Variants in CHFR observed in about 807,000 individuals in gnomAD.
The protein encoded by CHFR is E3 ubiquitin-protein ligase CHFR.
CHFR carries 57 observed loss-of-function variants against 87.6 expected under a neutral mutation model. That is an observed-to-expected ratio of 0.65 (90% CI 0.53 to 0.81). CHFR has a LOEUF of 0.81. CHFR is among the 30% of genes least tolerant of loss of function. CHFR has a pLI of 0.00. For missense variants in CHFR, 797 were observed against 865.8 expected (o/e 0.92, Z 1.00); for synonymous variants, 381 against 359.2 (o/e 1.06, Z -0.69).
rs1950696039 is a variant in CHFR at position 132,841,006 on chromosome 12, T to A, written c.*548A>T. 6.5e-6 allele frequency: 1 copy of A among 152,714 alleles called. No homozygotes were observed. Among genetic ancestry groups the A allele is most frequent in the Admixed American group, 6.5e-5 (1 of 15,284 alleles). 9.5% of individuals were successfully genotyped at this position (152,714 alleles called of 1,614,324 possible). A position where few individuals can be genotyped will look rare whatever the true frequency, so the allele number is the denominator to read the frequency against. ...TCAATTTGTAAATTATAAATTATAT[T>A]ATTTGTGCTACAGTTTGTGACATTT... is the stretch of plus-strand genomic sequence containing the variant. On this transcript the variant is annotated 3_prime_UTR_variant, in exon 18 of 18. Coordinates refer to ENST00000450056, the MANE Select transcript of CHFR (RefSeq NM_001161346.2).
chr12:132,844,556 T>C (rs538134942), intron 15 of CHFR, among the ~76,000 whole-genome samples: 10 of 151,292 alleles, frequency 6.6e-5, no homozygotes, highest in South Asian at 6.3e-4. Flanking sequence ...AGTGCTGGGA[T>C]TACAGGCGTG....
intron 10 of CHFR, chr12:132,853,898 C>A: frequency 3.1e-6 from 1 of 325,750 alleles, no homozygotes; most frequent in Non-Finnish European, 5.7e-6. Context: ...CGTGCGCGCA[C>A]GCCCCGTGCT....
At chr12:132,855,271 A>G (rs1179281601) in intron 10 of CHFR, among the ~76,000 whole-genome samples, 1 of 151,876 alleles carries the variant, frequency 6.6e-6, no homozygotes, top group Non-Finnish European at 1.5e-5. Flanking sequence ...AAGAAAAAAA[A>G]ATTAGCCAAG....
chr12:132,857,239 C>T (rs371401118), intron 9 of CHFR, among the ~76,000 whole-genome samples, 166 bp downstream of exon 9: 11 of 145,078 alleles, frequency 7.6e-5, no homozygotes, highest in Non-Finnish European at 1.3e-4. Flanking sequence ...GATGCCCTCA[C>T]GTGCCCGGGT....
intron 6 of CHFR, among the ~76,000 whole-genome samples, chr12:132,862,935 C>T (rs1347200568): frequency 2.7e-5 from 4 of 146,052 alleles, no homozygotes; most frequent in Non-Finnish European, 4.5e-5. Context: ...CTCACTCTGT[C>T]ACCCAGGCTG....
intron 14 of CHFR, 155 bp from the exon 15 acceptor site, chr12:132,847,285 C>T (rs1461813278): frequency 5.1e-6 from 7 of 1,385,570 alleles, no homozygotes; most frequent in South Asian, 1.5e-5. Context: ...TGCACGTTCA[C>T]GGCCTGCAGC....
Position 132,856,525 on chromosome 12 carries a change from CCTT to C in CHFR, c.1169_1171del (p.Glu390del), listed in dbSNP as rs1434190222. 2 of 1,614,120 alleles carry C rather than the reference CCTT, an allele frequency of 1.2e-6. No homozygotes were observed. The highest frequency in any genetic ancestry group is 2.7e-5 in the African/African-American group (2 of 74,946). ...CAGCTCCAGCAGGTCCTCTGAACTC[CCTT>C]CTTCATCAGAAAAAGACCGCCTGAC... On this transcript the variant is annotated inframe_deletion, in exon 10 of 18. Transcript: ENST00000450056.
chr12:132,884,511 A>T (rs1040079580), intron 2 of CHFR, among the ~76,000 whole-genome samples: 1 of 151,970 alleles, frequency 6.6e-6, no homozygotes, highest in African/African-American at 2.4e-5. Flanking sequence ...GAGTGTCTGT[A>T]CCCCCCTAAA....
intron 17 of CHFR, among the ~76,000 whole-genome samples, chr12:132,842,195 C>T (rs1950718112): frequency 6.6e-6 from 1 of 152,134 alleles, no homozygotes. Context: ...TCAGGCATCC[C>T]CGTGGCATCT....
intron 14 of CHFR, chr12:132,847,391 GC>G: frequency 8.2e-7 from 1 of 1,215,722 alleles, no homozygotes; most frequent in Non-Finnish European, 1.0e-6. Context: ...GACCTACACA[GC>G]CCAGGTGTGA....
chr12:132,866,901 G>C (rs1951358020), intron 6 of CHFR: 1 of 152,238 alleles, frequency 6.6e-6, no homozygotes, highest in Non-Finnish European at 1.5e-5. Context: ...CGTGGTGGTG[G>C]TGCGCGCCTG....
chr12:132,877,427 G>T, intron 3 of CHFR, 128 bp downstream of exon 3: 1 of 548,796 alleles, frequency 1.8e-6, no homozygotes. Flanking sequence ...TTATAAAAAT[G>T]AGCCGCTGTT....
At chr12:132,858,930 A>T in intron 8 of CHFR, 138 bp downstream of exon 8, 1 of 787,432 alleles carries the variant, frequency 1.3e-6, no homozygotes, top group South Asian at 1.9e-5. Flanking sequence ...CCACCCACTT[A>T]TCTGGGTGAC....
At position 132,887,269 on chromosome 12, in the gene CHFR, C is replaced by A; in HGVS notation, c.60G>T (p.Leu20=). 1.3e-6 allele frequency: 2 copies of A among 1,499,654 alleles called. No individual in the cohort carries two copies. The highest frequency in any genetic ancestry group is 8.8e-7 in the Non-Finnish European group (1 of 1,131,556). The allele number at this position is 1,499,654 out of a possible 1,614,324, so 92.9% of individuals were successfully genotyped here. The change falls in exon 2 of 18, where the codon CTG becomes CTT. Residue 20 remains leucine (L), a synonymous_variant. Transcript: ENST00000450056. The part of the protein sequence containing the change: ...SPPPQPWGRL[L]RLGAEEGEPH... ...GCTCGCCCTCCTCCGCGCCCAGACG[C>A]AGGAGCCGTCCCCAGGGCTGCGGCG...
intron 3 of CHFR, among the ~76,000 whole-genome samples, chr12:132,874,689 G>C (rs115354268): frequency 7.2e-6 from 1 of 139,412 alleles, no homozygotes; most frequent in African/African-American, 2.7e-5. Context: ...AGCACCCAGC[G>C]CGAGGAAGCC....
rs780237239 is a variant in CHFR, at chr12:132,859,231, C to T, written c.752-4G>A. On this transcript the variant is annotated splice_polypyrimidine_tract_variant and splice_region_variant and intron_variant, in intron 7 of 17. Coordinates refer to ENST00000450056, the MANE Select transcript of CHFR (RefSeq NM_001161346.2). The stretch of plus-strand genomic sequence containing the variant: ...CCGTTCAGGTCAAGGTCCCCATCTA[C>T]AGGAGAAAGGGATGTGTTCTGTCGT... The T allele has an allele frequency of 6.2e-7, 1 of 1,611,202 alleles. No homozygotes were observed.
At position 132,872,312 on chromosome 12, in the gene CHFR, C is replaced by T. The variant is rs774239471; in HGVS notation, c.316G>A (p.Val106Met). 1.2e-6 allele frequency: 2 copies of T among 1,612,762 alleles called. No individual in the cohort carries two copies. Among genetic ancestry groups the T allele is most frequent in the South Asian group, 2.2e-5 (2 of 91,048 alleles). The part of the protein sequence containing the change: ...PLQTGDVIYL[V>M]YRKNEPEHNV... ...TGTTCCGGTTCATTCTTCCTGTACA[C>T]CAAGTAGATGACATCCCCAGTCTGT... Residue 106 changes from valine (V) to methionine (M), a missense_variant, in exon 4 of 18, where the codon GTG becomes ATG. Val to Met is a conservative substitution (Grantham distance 21). Around this residue, in one of 2 missense-constraint regions of CHFR, gnomAD observed 597 missense variants for 601.2 expected, o/e 0.99. Coordinates refer to ENST00000450056, the MANE Select transcript of CHFR (RefSeq NM_001161346.2).
At chr12:132,845,793 A>C (rs1189727887) in intron 15 of CHFR, among the ~76,000 whole-genome samples, 2 of 146,378 alleles carry the variant, frequency 1.4e-5, no homozygotes. Context: ...GTCCCAGGAC[A>C]ACTGACCCCA....
chr12:132,882,417 C>T (rs1951790193), intron 2 of CHFR, among the ~76,000 whole-genome samples: 2 of 152,150 alleles, frequency 1.3e-5, no homozygotes, highest in South Asian at 4.1e-4. Context: ...CTTGACTGCA[C>T]TGGTGAGTAC....
Sources: allele counts gnomAD v4.1 joint callset (sites outside exome capture counted in the v4.1 genomes callset), GRCh38; gene constraint gnomAD v4.1.1; regional missense constraint gnomAD v4.1.1; transcripts MANE v1.5; gene names NCBI Gene and HGNC (gene_info 2026-07-23, HGNC 2026-07-21).